The following TNPO3 variants were observed in gnomAD, a reference collection of about 807,000 sequenced individuals.
TNPO3 encodes transportin-3.
TNPO3 carries 65 observed loss-of-function variants against 122.8 expected under a neutral mutation model. The observed-to-expected ratio is 0.53, with a 90% CI of 0.43 to 0.65. The LOEUF (loss-of-function observed/expected upper bound fraction) is 0.65, where lower values mean the gene tolerates loss of function less well. Ranked by LOEUF, TNPO3 falls within the 30% of genes least tolerant of loss-of-function variation. The probability of loss-of-function intolerance (pLI) is 0.00; values close to 1 mark genes in which losing one functional copy is unlikely to be tolerated. For synonymous variants in TNPO3, 372 were observed against 411.2 expected (o/e 0.90, Z 1.15); for missense variants, 850 against 1,136.7 (o/e 0.75, Z 3.63).
At chr7:129,040,332 CTTTAAATGA>C (rs1235542278) in intron 1 of TNPO3, among the ~76,000 whole-genome samples, 2 of 151,040 alleles carry the variant, frequency 1.3e-5, no homozygotes, top group Non-Finnish European at 1.5e-5. Flanking sequence ...AAACGGTATA[CTTTAAATGA>C]GTGAAATGTA....
chr7:129,000,719 C>A, intron 6 of TNPO3, 152 bp from the exon 7 acceptor site: 2 of 785,790 alleles, frequency 2.5e-6, no homozygotes, highest in Non-Finnish European at 4.0e-6. Flanking sequence ...CCATGACAGA[C>A]ACCTTTACCT....
upstream of TNPO3, chr7:129,056,176 G>A: frequency 2.2e-6 from 2 of 898,498 alleles, no homozygotes; most frequent in South Asian, 2.6e-5. Flanking sequence ...GAGTTGGCCC[G>A]GCAGAAGCTA....
At chr7:128,960,075 T>C (rs1452543129) in intron 21 of TNPO3, among the ~76,000 whole-genome samples, 2 of 152,194 alleles carry the variant, frequency 1.3e-5, no homozygotes, top group Admixed American at 1.3e-4. Flanking sequence ...GCTACAATGA[T>C]GTTTTGGTCA....
At chr7:128,961,924 C>T (rs966728393) in intron 21 of TNPO3, among the ~76,000 whole-genome samples, 2 of 152,192 alleles carry the variant, frequency 1.3e-5, no homozygotes, top group African/African-American at 4.8e-5. Flanking sequence ...ATAGAATAAA[C>T]ACCAAGATGG....
chr7:129,037,601 A>T (rs963435188), intron 1 of TNPO3, among the ~76,000 whole-genome samples: 1 of 152,130 alleles, frequency 6.6e-6, no homozygotes, highest in South Asian at 2.1e-4. Flanking sequence ...AGGGCAGAAG[A>T]CCACCTCCTT....
intron 1 of TNPO3, among the ~76,000 whole-genome samples, chr7:129,018,771 T>G (rs986489861): frequency 6.6e-6 from 1 of 152,158 alleles, no homozygotes; most frequent in Non-Finnish European, 1.5e-5. Context: ...CAGGCTGGAG[T>G]GCAGTGGCAC....
intron 1 of TNPO3, among the ~76,000 whole-genome samples, chr7:129,030,969 A>G (rs749458119): frequency 3.9e-5 from 6 of 152,206 alleles, no homozygotes; most frequent in Non-Finnish European, 5.9e-5. Flanking sequence ...AACAAAATTG[A>G]CAAAGCTTAA....
At chr7:129,002,869 T>C (rs555406279) in intron 5 of TNPO3, among the ~76,000 whole-genome samples, 82 of 151,436 alleles carry the variant, frequency 5.4e-4, no homozygotes, top group Non-Finnish European at 1.1e-3. Context: ...TGAAACCCCA[T>C]CTCTACTAAA....
At chr7:129,022,528 C>G (rs1487338606) in intron 1 of TNPO3, among the ~76,000 whole-genome samples, 2 of 149,990 alleles carry the variant, frequency 1.3e-5, no homozygotes, top group Non-Finnish European at 3.0e-5. Flanking sequence ...TGAAACTATA[C>G]ATTGAAAGAG....
chr7:129,036,557 A>G (rs1472693481), intron 1 of TNPO3, among the ~76,000 whole-genome samples: 1 of 152,238 alleles, frequency 6.6e-6, no homozygotes. Context: ...ATACAGACTG[A>G]TAATACCATC....
At chr7:129,040,254 CAAAA>C (rs57306586) in intron 1 of TNPO3, among the ~76,000 whole-genome samples, 4 of 79,550 alleles carry the variant, frequency 5.0e-5, no homozygotes, top group Non-Finnish European at 5.4e-5. Flanking sequence ...GACGCCATCT[CAAAA>C]AAAAAAAAAA....
At chr7:129,024,216 C>A (rs1185916796) in intron 1 of TNPO3, among the ~76,000 whole-genome samples, 1 of 152,176 alleles carries the variant, frequency 6.6e-6, no homozygotes, top group Non-Finnish European at 1.5e-5. Context: ...TAAAACTACT[C>A]TGCTGGAGAG....
chr7:129,056,159 G>A (rs923052906), upstream of TNPO3: 11 of 930,228 alleles, frequency 1.2e-5, no homozygotes, highest in Non-Finnish European at 1.6e-5. Flanking sequence ...TCGCCACTGC[G>A]TATAACGAGT....
At chr7:128,962,520 T>G (rs576484972) in intron 21 of TNPO3, among the ~76,000 whole-genome samples, 1 of 152,278 alleles carries the variant, frequency 6.6e-6, no homozygotes, top group Admixed American at 6.5e-5. Flanking sequence ...TTACGGACCT[T>G]AAAATCAAAA....
intron 1 of TNPO3, among the ~76,000 whole-genome samples, chr7:129,046,341 A>G (rs1411312984): frequency 6.6e-6 from 1 of 152,020 alleles, no homozygotes; most frequent in Non-Finnish European, 1.5e-5. Flanking sequence ...GGTTTTCATT[A>G]TTTACATACT....
chr7:129,019,448 A>G (rs1804214956), intron 1 of TNPO3, among the ~76,000 whole-genome samples: 1 of 152,232 alleles, frequency 6.6e-6, no homozygotes. Context: ...GATTGATACG[A>G]AGCAAGTTAA....
intron 21 of TNPO3, among the ~76,000 whole-genome samples, chr7:128,965,312 C>T (rs1446088066): frequency 6.6e-6 from 1 of 152,030 alleles, no homozygotes; most frequent in Non-Finnish European, 1.5e-5. Flanking sequence ...AACAAATGGC[C>T]AATAAGCATA....
rs115492086 is a variant in TNPO3, at chr7:128,973,059, C to T, written c.2274-477G>A. ...ATATTAAAAGACGTGTCACCACATC[C>T]TATTTCCAACTAAGATTTTATAAAT... On this transcript the variant is annotated intron_variant, in intron 18 of 22. Coordinates refer to ENST00000265388, the MANE Select transcript of TNPO3 (RefSeq NM_012470.4). Among the ~76,000 whole-genome samples the T allele has an allele frequency of 7.0e-3, 1,063 of 152,238 alleles. 11 individuals are homozygous for T. The highest frequency in any genetic ancestry group is 0.025 in the African/African-American group (1,019 of 41,542).
intron 1 of TNPO3, among the ~76,000 whole-genome samples, chr7:129,045,385 A>G (rs151032132): frequency 0.011 from 1,601 of 151,882 alleles, 26 homozygotes; most frequent in African/African-American, 0.036. Context: ...AATCCCAGCT[A>G]CTTGGGAGGC....
Sources: allele counts gnomAD v4.1 joint callset (sites outside exome capture counted in the v4.1 genomes callset), GRCh38; gene constraint gnomAD v4.1.1; transcripts MANE v1.5; gene names NCBI Gene and HGNC (gene_info 2026-07-23, HGNC 2026-07-21).